Variants in MECOM observed in about 807,000 individuals in gnomAD.
MECOM encodes the protein histone-lysine N-methyltransferase MECOM.
In MECOM, 13 loss-of-function variants were observed where a neutral mutation model predicts 116.3. The ratio of observed to expected loss-of-function variants is 0.11; its 90% CI spans 0.07 to 0.18. The LOEUF is 0.18. Ranked by LOEUF, MECOM falls within the 10% of genes least tolerant of loss-of-function variation. The probability of loss-of-function intolerance (pLI) is 1.00; values close to 1 mark genes in which losing one functional copy is unlikely to be tolerated. For synonymous variants in MECOM, 528 were observed against 535.2 expected (o/e 0.99, Z 0.19); for missense variants, 1,299 against 1,509.0 (o/e 0.86, Z 2.31).
At chr3:169,350,570 AC>A (rs1726147333) in intron 2 of MECOM, among the ~76,000 whole-genome samples, 1 of 151,998 alleles carries the variant, frequency 6.6e-6, no homozygotes, top group African/African-American at 2.4e-5. Flanking sequence ...TGAAATACAT[AC>A]CAGATTTCAA....
intron 2 of MECOM, among the ~76,000 whole-genome samples, chr3:169,315,197 T>A (rs182633708): frequency 6.6e-6 from 1 of 152,110 alleles, no homozygotes; most frequent in African/African-American, 2.4e-5. Context: ...ACATCTCCCA[T>A]CCTCCCAGGC....
At chr3:169,222,666 T>G (rs1341536518) in intron 2 of MECOM, among the ~76,000 whole-genome samples, 1 of 152,160 alleles carries the variant, frequency 6.6e-6, no homozygotes, top group African/African-American at 2.4e-5. Flanking sequence ...AGATATAAAT[T>G]TTCATTATCC....
intron 1 of MECOM, among the ~76,000 whole-genome samples, chr3:169,548,329 A>T (rs150345348): frequency 6.2e-4 from 94 of 152,324 alleles, no homozygotes; most frequent in East Asian, 3.1e-3. Flanking sequence ...GTGCAAGTAG[A>T]CACAGCCAGA....
At chr3:169,548,002 A>C (rs1760935308) in intron 1 of MECOM, among the ~76,000 whole-genome samples, 1 of 152,098 alleles carries the variant, frequency 6.6e-6, no homozygotes, top group African/African-American at 2.4e-5. Flanking sequence ...TTTATTTACT[A>C]TTTTCTTTGA....
Position 169,115,781 on chromosome 3 carries a change from G to A in MECOM, c.2091C>T (p.Leu697=), listed in dbSNP as rs1560185811. Residue 697 remains leucine (L), a synonymous_variant, in exon 8 of 17, where the codon CTC becomes CTT. Transcript: ENST00000651503. The part of the protein sequence containing the change: ...GALPYPSMFP[L]PFFPAFSQSM... ...ATTGAGAGAATGCTGGAAAAAATGG[G>A]AGGGGAAACATGGAAGGGTAAGGTA... 2 of 1,614,136 alleles carry A rather than the reference G, an allele frequency of 1.2e-6. No individual in the cohort carries two copies. The highest frequency in any genetic ancestry group is 1.7e-6 in the Non-Finnish European group (2 of 1,180,018).
chr3:169,562,474 G>T (rs1762769154), intron 1 of MECOM, among the ~76,000 whole-genome samples: 1 of 152,110 alleles, frequency 6.6e-6, no homozygotes, highest in Non-Finnish European at 1.5e-5. Flanking sequence ...ACCCAAAAAA[G>T]ATTGCAGCGT....
chr3:169,552,620 C>T (rs888203794), intron 1 of MECOM, among the ~76,000 whole-genome samples: 6 of 152,030 alleles, frequency 3.9e-5, no homozygotes, highest in African/African-American at 1.2e-4. Context: ...GGATCCAAGC[C>T]GACACAGCCT....
intron 1 of MECOM, among the ~76,000 whole-genome samples, chr3:169,442,417 T>C (rs889287478): frequency 3.9e-5 from 6 of 151,954 alleles, no homozygotes; most frequent in African/African-American, 1.2e-4. Context: ...AATTAGAGAG[T>C]TTTAATAGTC....
At chr3:169,194,023 T>G (rs1224444726) in intron 2 of MECOM, among the ~76,000 whole-genome samples, 1 of 152,078 alleles carries the variant, frequency 6.6e-6, no homozygotes, top group African/African-American at 2.4e-5. Flanking sequence ...TTACAAAATC[T>G]TTAAGTAAAA....
At chr3:169,115,361 G>C (rs193263667) in intron 8 of MECOM, 22 bp downstream of exon 8, 15 of 1,601,430 alleles carry the variant, frequency 9.4e-6, no homozygotes, top group Non-Finnish European at 1.3e-5. Flanking sequence ...CTCATATTTC[G>C]TCATCTTCCA....
At chr3:169,371,226 G>A (rs1470643176) in intron 2 of MECOM, among the ~76,000 whole-genome samples, 1 of 151,898 alleles carries the variant, frequency 6.6e-6, no homozygotes, top group Non-Finnish European at 1.5e-5. Context: ...GACAAACCTG[G>A]AGGATATTAT....
intron 2 of MECOM, among the ~76,000 whole-genome samples, chr3:169,179,616 T>C (rs1227742017): frequency 6.6e-6 from 1 of 152,150 alleles, no homozygotes; most frequent in Non-Finnish European, 1.5e-5. Flanking sequence ...CTCAATATCA[T>C]GCCACTAAAA....
intron 2 of MECOM, among the ~76,000 whole-genome samples, chr3:169,290,842 A>G (rs1240980789): frequency 2.0e-5 from 3 of 152,164 alleles, no homozygotes; most frequent in Non-Finnish European, 4.4e-5. Context: ...GTTCTCTTAA[A>G]TGGGATCATG....
At chr3:169,196,284 T>C (rs1045286887) in intron 2 of MECOM, among the ~76,000 whole-genome samples, 2 of 152,044 alleles carry the variant, frequency 1.3e-5, no homozygotes, top group Non-Finnish European at 2.9e-5. Context: ...AGCTATCATA[T>C]GTCCTGAGAT....
chr3:169,306,502 G>T (rs1324565216), intron 2 of MECOM, among the ~76,000 whole-genome samples: 1 of 152,120 alleles, frequency 6.6e-6, no homozygotes, highest in Non-Finnish European at 1.5e-5. Flanking sequence ...GCCAATGTGG[G>T]GAAACCCTGT....
intron 1 of MECOM, among the ~76,000 whole-genome samples, chr3:169,384,900 C>T (rs1356463752): frequency 6.6e-6 from 1 of 151,846 alleles, no homozygotes; most frequent in Non-Finnish European, 1.5e-5. Context: ...CTCAAGCGTT[C>T]GAGACCAGCC....
chr3:169,267,998 A>G (rs1387670386), intron 2 of MECOM, among the ~76,000 whole-genome samples: 1 of 152,186 alleles, frequency 6.6e-6, no homozygotes. Flanking sequence ...CACATTGCAA[A>G]TAAGCACCAC....
chr3:169,191,966 G>A (rs75078600), intron 2 of MECOM, among the ~76,000 whole-genome samples: 1 of 152,086 alleles, frequency 6.6e-6, no homozygotes, highest in African/African-American at 2.4e-5. Flanking sequence ...AGAATAGAGT[G>A]GGTGGAGTAA....
intron 2 of MECOM, chr3:169,145,525 A>AAAAAAAAGAAAAAAAAG (rs1340422929): frequency 4.5e-6 from 1 of 221,858 alleles, no homozygotes. Flanking sequence ...CTTGACTGGC[A>AAAAAAAAGAAAAAAAAG]AAAAAAAGAA....
Sources: allele counts gnomAD v4.1 joint callset (sites outside exome capture counted in the v4.1 genomes callset), GRCh38; gene constraint gnomAD v4.1.1; transcripts MANE v1.5; gene names NCBI Gene and HGNC (gene_info 2026-07-23, HGNC 2026-07-21).